Variants in FER1L5 observed in about 807,000 individuals in gnomAD.
FER1L5 encodes fer-1-like protein 5.
A neutral mutation model predicts 279.9 loss-of-function variants in FER1L5; 187 were observed. The observed-to-expected ratio is 0.67, with a 90% confidence interval of 0.59 to 0.75. FER1L5 has a LOEUF of 0.75. Among genes scored for constraint, FER1L5 ranks in the 30% least tolerant of loss-of-function variants. The pLI is 0.00. For missense variants in FER1L5, 2,091 were observed against 2,594.4 expected (o/e 0.81, Z 4.21); for synonymous variants, 921 against 989.7 (o/e 0.93, Z 1.30).
intron 6 of FER1L5, among the ~76,000 whole-genome samples, chr2:96,651,231 TTCTTTC>T (rs1275043369): frequency 1.5e-4 from 23 of 150,004 alleles, no homozygotes; most frequent in Non-Finnish European, 2.5e-4. Context: ...CTTTCTTTCT[TTCTTTC>T]TCTTTCTTTC....
chr2:96,684,532 G>T, intron 20 of FER1L5, 81 bp downstream of exon 20: 2 of 1,496,272 alleles, frequency 1.3e-6, no homozygotes, highest in South Asian at 1.3e-5. Context: ...CATCACAGTG[G>T]CAGGAAACTG....
At chr2:96,667,358 T>G (rs1385619733) in intron 14 of FER1L5, among the ~76,000 whole-genome samples, 1 of 151,488 alleles carries the variant, frequency 6.6e-6, no homozygotes, top group Non-Finnish European at 1.5e-5. Flanking sequence ...TTTTTTTTTT[T>G]TTTTTTGAGA....
intron 9 of FER1L5, among the ~76,000 whole-genome samples, chr2:96,657,516 T>G (rs781322306): frequency 1.3e-5 from 2 of 152,176 alleles, no homozygotes; most frequent in Non-Finnish European, 2.9e-5. Context: ...ATGAATATAC[T>G]CATCACATCT....
intron 9 of FER1L5, among the ~76,000 whole-genome samples, chr2:96,659,354 C>G (rs866879465): frequency 4.7e-5 from 3 of 64,398 alleles, no homozygotes; most frequent in African/African-American, 1.8e-4. Context: ...TCCTTCCTTC[C>G]TTCCTTCCTT....
At chr2:96,687,742 C>A in intron 23 of FER1L5, 74 bp from the exon 24 acceptor site, 4 of 1,531,932 alleles carry the variant, frequency 2.6e-6, no homozygotes, top group Non-Finnish European at 3.5e-6. Flanking sequence ...GCAGGTACAG[C>A]CCACTTGGGG....
chr2:96,659,433 CTTT>C (rs2075825832), intron 9 of FER1L5, among the ~76,000 whole-genome samples: 4 of 18,218 alleles, frequency 2.2e-4, no homozygotes, highest in Admixed American at 8.5e-4. Flanking sequence ...TTCTTTCTTT[CTTT>C]CTTTCTTTCT....
intron 5 of FER1L5, among the ~76,000 whole-genome samples, chr2:96,649,892 A>T (rs951319591): frequency 3.3e-5 from 5 of 152,234 alleles, no homozygotes; most frequent in African/African-American, 1.2e-4. Context: ...ATCTCTAGAC[A>T]TAAGACCCAT....
At chr2:96,649,173 CA>C (rs1164815207) in intron 4 of FER1L5, among the ~76,000 whole-genome samples, 1 of 152,044 alleles carries the variant, frequency 6.6e-6, no homozygotes. Context: ...TTCAGGGGGC[CA>C]TCCTGGTGAT....
In FER1L5 at chr2:96,669,074, C is replaced by T. The variant is rs1573854979; in HGVS notation, c.1299C>T (p.Gly433=). 4 of 1,551,590 alleles carry T rather than the reference C, an allele frequency of 2.6e-6. No homozygotes were observed. Among genetic ancestry groups the T allele is most frequent in the African/African-American group, 2.7e-5 (2 of 73,040 alleles). The change falls in exon 17 of 53, where the codon GGC becomes GGT. Residue 433 remains glycine (G), a synonymous_variant. Coordinates refer to ENST00000624922, the MANE Select transcript of FER1L5 (RefSeq NM_001293083.2). ...GVYSGFLPCF[G]PSFLTLHGGK... The stretch of plus-strand genomic sequence containing the variant: ...ACTCCGGCTTCCTGCCCTGCTTTGG[C>T]CCCAGCTTCCTGACTCTGCATGGGG...
In FER1L5 at chr2:96,644,620, C is replaced by G. The variant is rs1348347136; in HGVS notation, c.85+1699C>G. 2.6e-5 allele frequency among the ~76,000 whole-genome samples: 4 copies of G among 152,038 alleles called. No homozygotes were observed. In the South Asian group the frequency reaches 8.3e-4, roughly 32 times the overall value. On this transcript the variant is annotated intron_variant, in intron 1 of 52. Transcript: ENST00000624922. Reference sequence around the variant, plus strand: ...CAGGGACCGTCAGCAGGGAGAAAACCGGGCCCAAGAGAAAAGAGGACACAG... The same window carrying G: ...CAGGGACCGTCAGCAGGGAGAAAACGGGGCCCAAGAGAAAAGAGGACACAG...
chr2:96,680,972 C>A (rs1010500273), intron 19 of FER1L5, among the ~76,000 whole-genome samples: 2 of 152,254 alleles, frequency 1.3e-5, no homozygotes, highest in African/African-American at 2.4e-5. Flanking sequence ...GAACTCCTGG[C>A]CTCAGCCTCC....
Position 96,702,414 on chromosome 2 carries a change from A to T in FER1L5, c.5255+13A>T. On this transcript the variant is annotated intron_variant, in intron 47 of 52. Coordinates refer to ENST00000624922, the MANE Select transcript of FER1L5 (RefSeq NM_001293083.2). This position sits in a 1 kb window ranked among gnomAD's most constrained non-coding sequence, Gnocchi z 4.0. The stretch of plus-strand genomic sequence containing the variant: ...TCTACATCAAAGGGTAGGGAAGAGG[A>T]GTCAGGCTCCGGCAGAGCCCCTCAG... 6.2e-7 allele frequency: 1 copy of T among 1,605,038 alleles called. No individual in the cohort carries two copies. Among genetic ancestry groups the T allele is most frequent in the Non-Finnish European group, 8.5e-7 (1 of 1,176,016 alleles).
At chr2:96,659,347 T>TTCCTTCCTTCCTTCCC (rs2075769657) in intron 9 of FER1L5, among the ~76,000 whole-genome samples, 1 of 85,274 alleles carries the variant, frequency 1.2e-5, no homozygotes, top group Non-Finnish European at 2.3e-5. Flanking sequence ...CCTTCCTTCC[T>TTCCTTCCTTCCTTCCC]TCCTTCCTTC....
At chr2:96,643,940 G>A (rs2074999011) in intron 1 of FER1L5, among the ~76,000 whole-genome samples, 1 of 151,684 alleles carries the variant, frequency 6.6e-6, no homozygotes, top group Non-Finnish European at 1.5e-5. Context: ...GGGAGGCTGA[G>A]GCAGGCAGAT....
intron 19 of FER1L5, 28 bp downstream of exon 19, chr2:96,673,282 G>T (rs1179282894): frequency 5.2e-6 from 8 of 1,538,346 alleles, no homozygotes; most frequent in Non-Finnish European, 7.0e-6. Context: ...GCAATAAGTA[G>T]AGAGCAGCCA....
At position 96,686,008 on chromosome 2, in the gene FER1L5, G is replaced by A. The variant is rs979033315; in HGVS notation, c.1964G>A (p.Arg655His). 3.4e-5 allele frequency: 52 copies of A among 1,551,316 alleles called. No homozygotes were observed. In the Admixed American group the frequency reaches 5.1e-4, roughly 15 times the overall value. The change falls in exon 22 of 53, where the codon CGC becomes CAC. Residue 655 changes from arginine (R) to histidine (H), a missense_variant. Arg to His is a conservative substitution (Grantham distance 29, BLOSUM62 0). Coordinates refer to ENST00000624922, the MANE Select transcript of FER1L5 (RefSeq NM_001293083.2). ...TSLDRKRWQL[R>H]SLLLQELAQK... ...CTGGACAGGAAGAGGTGGCAGCTCC[G>A]CAGCCTCCTCCTGCAGGAACTGGCC...
chr2:96,673,142 C>T lies in FER1L5; in HGVS notation c.1557C>T (p.Asn519=), dbSNP rs2076389615. The T allele has an allele frequency of 3.9e-6, 6 of 1,551,456 alleles. No homozygotes were observed. The Admixed American group carries it at 5.9e-5, about 15-fold the overall frequency. ...VIFLSCTMMP[N]FKELIHFEVS... is the part of the protein sequence containing the mutation. ...TCCTTTCCTGTACCATGATGCCCAA[C>T]TTTAAAGAGCTGATCCATTTCGAGG... Residue 519 remains asparagine, a synonymous_variant, in exon 19 of 53, where the codon AAC becomes AAT. Transcript: ENST00000624922.
intron 14 of FER1L5, among the ~76,000 whole-genome samples, chr2:96,666,254 C>A (rs532414799): frequency 2.7e-5 from 4 of 148,124 alleles, no homozygotes; most frequent in African/African-American, 1.0e-4. Flanking sequence ...AGATGAGGAA[C>A]CAAGAAGCAG....
intron 1 of FER1L5, 146 bp from the exon 2 acceptor site, chr2:96,646,255 C>T: frequency 5.5e-6 from 4 of 725,934 alleles, no homozygotes; most frequent in South Asian, 3.5e-5. Context: ...GCCTCGGCCT[C>T]CCAAAGTGCT....
Sources: allele counts gnomAD v4.1 joint callset (sites outside exome capture counted in the v4.1 genomes callset), GRCh38; gene constraint gnomAD v4.1.1; non-coding constraint Gnocchi (gnomAD v3.1); transcripts MANE v1.5; gene names NCBI Gene and HGNC (gene_info 2026-07-23, HGNC 2026-07-21).